The following BCLAF1 variants were observed in gnomAD, a reference collection of about 807,000 sequenced individuals.
BCLAF1 encodes the protein BCL2 associated transcription factor 1.
In BCLAF1, 10 loss-of-function variants were observed where a neutral mutation model predicts 99.5. That is an observed-to-expected ratio of 0.10 (90% CI 0.06 to 0.17). The LOEUF (loss-of-function observed/expected upper bound fraction) is 0.17. Ranked by LOEUF, BCLAF1 falls within the 10% of genes least tolerant of loss-of-function variation. The probability of loss-of-function intolerance (pLI) is 1.00; values close to 1 mark genes in which losing one functional copy is unlikely to be tolerated. For synonymous variants in BCLAF1, 255 were observed against 370.9 expected, an observed-to-expected ratio of 0.69 and a Z score of 3.59; for missense variants, 636 against 1,105.8, an observed-to-expected ratio of 0.58 and a Z score of 6.02.
chr6:136,286,707 C>T (rs1785180087), intron 1 of BCLAF1, among the ~76,000 whole-genome samples: 1 of 152,202 alleles, frequency 6.6e-6, no homozygotes, highest in Admixed American at 6.5e-5. Flanking sequence ...GTGGCTTACA[C>T]CTGTAATCCC....
intron 11 of BCLAF1, among the ~76,000 whole-genome samples, chr6:136,265,881 G>A (rs797556): frequency 1.3e-5 from 2 of 151,932 alleles, no homozygotes; most frequent in African/African-American, 4.8e-5. Flanking sequence ...TCCATCCTTA[G>A]TACCTAGCAT....
chr6:136,277,810 G>T (rs1163439607), intron 4 of BCLAF1, 55 bp downstream of exon 4: 1 of 1,531,860 alleles, frequency 6.5e-7, no homozygotes, highest in African/African-American at 1.4e-5. Context: ...ATTCCAAACA[G>T]AATTCAAAGA....
At chr6:136,269,988 A>G (rs1349019887) in intron 8 of BCLAF1, 3 of 158,478 alleles carry the variant, frequency 1.9e-5, no homozygotes, top group Non-Finnish European at 4.1e-5. Flanking sequence ...TAGTTGAACA[A>G]TGACAGATGT....
chr6:136,283,096 G>A (rs1278325334), intron 1 of BCLAF1, among the ~76,000 whole-genome samples: 1 of 136,644 alleles, frequency 7.3e-6, no homozygotes, highest in African/African-American at 2.8e-5. Flanking sequence ...CCAGGAGTTT[G>A]ACACTGCAAT....
At chr6:136,282,974 C>A (rs1784576405) in intron 1 of BCLAF1, among the ~76,000 whole-genome samples, 1 of 151,584 alleles carries the variant, frequency 6.6e-6, no homozygotes, top group African/African-American at 2.4e-5. Flanking sequence ...TATGTCGTTC[C>A]ATCAGAAAAT....
Position 136,269,567 on chromosome 6 carries a change from T to A in BCLAF1, c.2089A>T (p.Ile697Phe). Residue 697 changes from isoleucine (I) to phenylalanine (F), a missense_variant, in exon 9 of 13, where the codon ATT (isoleucine) becomes TTT (phenylalanine). By Grantham distance (21) the Ile-to-Phe change is conservative. This residue lies in a region of BCLAF1 where 180 missense variants were observed against 270.0 expected (regional missense o/e 0.67). Transcript: ENST00000531224. The stretch of plus-strand genomic sequence containing the variant: ...CTTCTTTCTTTTCTACGGCGATCAA[T>A]GTCATGCCGAAGGTCAGCAGAGTCA... ...RCDSADLRHD[I>F]DRRRKERSKE... The A allele has an allele frequency of 6.2e-7, 1 of 1,611,834 alleles. No individual in the cohort carries two copies. Among genetic ancestry groups the A allele is most frequent in the Non-Finnish European group, 8.5e-7 (1 of 1,178,840 alleles).
intron 6 of BCLAF1, among the ~76,000 whole-genome samples, chr6:136,275,208 CCT>C (rs537425754): frequency 6.8e-4 from 104 of 152,174 alleles, no homozygotes; most frequent in African/African-American, 2.3e-3. Context: ...TATCTGTAAG[CCT>C]TCTGCACTTC....
At chr6:136,288,338 A>G (rs1285655628) in intron 1 of BCLAF1, among the ~76,000 whole-genome samples, 3 of 152,152 alleles carry the variant, frequency 2.0e-5, no homozygotes, top group African/African-American at 4.8e-5. Context: ...AGCAGCCTCA[A>G]ACTCCCGCCG....
At chr6:136,284,225 A>C (rs1333154685) in intron 1 of BCLAF1, among the ~76,000 whole-genome samples, 2 of 150,816 alleles carry the variant, frequency 1.3e-5, no homozygotes, top group African/African-American at 4.9e-5. Flanking sequence ...AAAGAAAATA[A>C]ACACTAGATA....
rs1783941411 is a variant in BCLAF1, at chr6:136,278,769, A to T, written c.112T>A (p.Ser38Thr). The T allele has an allele frequency of 6.6e-7, 1 of 1,521,038 alleles. No homozygotes were observed. The highest frequency in any genetic ancestry group is 8.8e-7 in the Non-Finnish European group (1 of 1,137,550). The allele number at this position is 1,521,038 out of a possible 1,614,324, so 94.2% of individuals were successfully genotyped here. ...HSRKKRYSSR[S>T]RSRTYSRSRS... is the part of the protein sequence containing the mutation. ...GACCTTGAATATGTTCTGGAACGAG[A>T]CCTAGAACTAAAAATGAAATAAATA... Residue 38 changes from serine (S) to threonine (T), a missense_variant, in exon 4 of 13, where the codon TCT becomes ACT. By Grantham distance (58) the Ser-to-Thr change is moderately conservative (BLOSUM62 1). Around this residue, in one of 9 missense-constraint regions of BCLAF1, gnomAD observed 81 missense variants for 132.5 expected, o/e 0.61. Transcript: ENST00000531224.
chr6:136,266,128 G>A (rs1781684304), intron 11 of BCLAF1, among the ~76,000 whole-genome samples: 1 of 151,820 alleles, frequency 6.6e-6, no homozygotes, highest in East Asian at 1.9e-4. Flanking sequence ...AGTTTTTCCA[G>A]ACAAAATAGA....
intron 7 of BCLAF1, 27 bp from the exon 8 acceptor site, chr6:136,272,106 A>G (rs1782624620): frequency 4.7e-6 from 7 of 1,474,706 alleles, no homozygotes; most frequent in Non-Finnish European, 6.5e-6. Flanking sequence ...ATATATTTTT[A>G]GTCATATTAT....
intron 1 of BCLAF1, 83 bp from the exon 2 acceptor site, chr6:136,282,770 A>G (rs1784549564): frequency 6.6e-6 from 1 of 152,224 alleles, no homozygotes; most frequent in Non-Finnish European, 1.5e-5. Flanking sequence ...GGGCACTGCC[A>G]TAAACTCTAA....
intron 8 of BCLAF1, 121 bp downstream of exon 8, chr6:136,271,874 A>G: frequency 1.4e-6 from 1 of 702,424 alleles, no homozygotes; most frequent in Non-Finnish European, 2.5e-6. Context: ...CTACCATAAT[A>G]TAGTTATGAA....
intron 11 of BCLAF1, among the ~76,000 whole-genome samples, chr6:136,263,678 T>C (rs752389830): frequency 1.3e-5 from 2 of 152,084 alleles, no homozygotes; most frequent in African/African-American, 2.4e-5. Flanking sequence ...AAAGGAATAA[T>C]AACCAAAACT....
Position 136,268,261 on chromosome 6 carries a change from T to C in BCLAF1, c.2298A>G (p.Glu766=), listed in dbSNP as rs1782005677. The C allele has an allele frequency of 6.2e-7, 1 of 1,604,208 alleles. No homozygotes were observed. Among genetic ancestry groups the C allele is most frequent in the South Asian group, 1.1e-5 (1 of 89,492 alleles). Reference sequence around the variant, plus strand: ...CTTCTCTTTCCTTCTTACTCTCCTTTTCTTCTCGAGAACTGGGAGAAGAAG... The same window carrying C: ...CTTCTCTTTCCTTCTTACTCTCCTTCTCTTCTCGAGAACTGGGAGAAGAAG... ...ASPSSPSSRE[E]KESKKEREEE... is the part of the protein sequence containing the mutation. Residue 766 remains glutamate (E), a synonymous_variant, in exon 10 of 13, where the codon GAA becomes GAG. Transcript: ENST00000531224.
Position 136,276,059 on chromosome 6 carries a change from G to C in BCLAF1, c.1466C>G (p.Thr489Arg), listed in dbSNP as rs772174420. ...AGGTGACTGAGTTTCTTTCTTTACT[G>C]TTATTCTTTCAGAATTTTTGTCTTC... ...KEEDKNSERI[T>R]VKKETQSPEQ... The change falls in exon 5 of 13, where the codon ACA becomes AGA. Residue 489 changes from threonine to arginine, a missense_variant. Physicochemically the swap from Thr to Arg is moderately conservative, Grantham distance 71 (BLOSUM62 -1). Coordinates refer to ENST00000531224, the MANE Select transcript of BCLAF1 (RefSeq NM_014739.3). 7 of 1,605,230 alleles carry C rather than the reference G, an allele frequency of 4.4e-6. No homozygotes were observed. In the East Asian group the frequency reaches 1.6e-4, roughly 36 times the overall value.
intron 6 of BCLAF1, 137 bp from the exon 7 acceptor site, chr6:136,273,324 G>T (rs926234282): frequency 1.4e-6 from 1 of 715,564 alleles, no homozygotes; most frequent in Non-Finnish European, 2.3e-6. Flanking sequence ...GTGTTACAAG[G>T]AACTCCTACC....
intron 1 of BCLAF1, among the ~76,000 whole-genome samples, chr6:136,283,494 T>A (rs911157314): frequency 1.3e-5 from 2 of 152,208 alleles, no homozygotes; most frequent in East Asian, 3.8e-4. Flanking sequence ...AAATAAACTT[T>A]GCACAAAATA....
Sources: allele counts gnomAD v4.1 joint callset (sites outside exome capture counted in the v4.1 genomes callset), GRCh38; gene constraint gnomAD v4.1.1; regional missense constraint gnomAD v4.1.1; transcripts MANE v1.5; gene names NCBI Gene and HGNC (gene_info 2026-07-23, HGNC 2026-07-21).